Variants in H2AC14 observed in about 807,000 individuals in gnomAD.
H2AC14 encodes the protein H2A clustered histone 14.
In H2AC14, 6 loss-of-function variants were observed where a neutral mutation model predicts 5.7. The observed-to-expected ratio is 1.05, with a 90% CI of 0.57 to 2.07. The LOEUF is 2.07. Among genes scored for constraint, H2AC14 ranks in the 30% most tolerant of loss-of-function variants. The probability of loss-of-function intolerance (pLI) is 0.00; values close to 1 mark genes in which losing one functional copy is unlikely to be tolerated. For synonymous variants in H2AC14, 121 were observed against 79.3 expected (o/e 1.53, Z -2.80); for missense variants, 136 against 174.6 (o/e 0.78, Z 1.25).
Position 27,814,609 on chromosome 6 carries a change from G to T in H2AC14, c.132C>A (p.Val44=), listed in dbSNP as rs779668241. Residue 44 remains valine, a synonymous_variant, in exon 1 of 1, where the codon GTC becomes GTA. Coordinates refer to ENST00000333151, the MANE Select transcript of H2AC14 (RefSeq NM_021066.3). ...LLRKGNYAER[V]GAGAPVYLAA... ...CCAGGTACACCGGCGCTCCAGCACC[G>T]ACCCGCTCCGCATAGTTGCCTTTGC... The T allele has an allele frequency of 1.9e-6, 3 of 1,586,234 alleles. No homozygotes were observed. The highest frequency in any genetic ancestry group is 2.3e-5 in the South Asian group (2 of 88,138).
chr6:27,814,551 G>C lies in H2AC14; in HGVS notation c.190C>G (p.Leu64Val). 6.2e-7 allele frequency: 1 copy of C among 1,608,166 alleles called. No homozygotes were observed. Among genetic ancestry groups the C allele is most frequent in the Non-Finnish European group, 8.5e-7 (1 of 1,175,724 alleles). Residue 64 changes from leucine (L) to valine (V), a missense_variant, in exon 1 of 1, where the codon CTG (leucine) becomes GTG (valine). Around this residue, in one of 2 missense-constraint regions of H2AC14, gnomAD observed 100 missense variants for 152.3 expected, o/e 0.66. Transcript: ENST00000333151. ...CGGGCCGCGTTGCCAGCCAGCTCCA[G>C]GATCTCGGCGGTCAGGTACTCCAGC... ...AVLEYLTAEILELAGNAARDN... is the reference protein window; with the variant it reads ...AVLEYLTAEIVELAGNAARDN...
In H2AC14 at chr6:27,814,527, G is replaced by T; in HGVS notation, c.214C>A (p.Arg72Ser). The change falls in exon 1 of 1, where the codon CGC (arginine) becomes AGC (serine). Residue 72 changes from arginine (R) to serine (S), a missense_variant. Physicochemically the swap from Arg to Ser is moderately radical, Grantham distance 110 (BLOSUM62 -1). Coordinates refer to ENST00000333151, the MANE Select transcript of H2AC14 (RefSeq NM_021066.3). Reference protein sequence around the residue: ...EILELAGNAARDNKKTRIIPR... With the variant: ...EILELAGNAASDNKKTRIIPR... ...ATGATGCGAGTCTTCTTGTTGTCGC[G>T]GGCCGCGTTGCCAGCCAGCTCCAGG... The T allele has an allele frequency of 6.2e-7, 1 of 1,609,416 alleles. No individual in the cohort carries two copies. The highest frequency in any genetic ancestry group is 8.5e-7 in the Non-Finnish European group (1 of 1,176,598).
Position 27,814,409 on chromosome 6 carries a change from T to C in H2AC14, c.332A>G (p.Asn111Ser), listed in dbSNP as rs1484202795. 1.9e-6 allele frequency: 3 copies of C among 1,614,200 alleles called. No individual in the cohort carries two copies. Among genetic ancestry groups the C allele is most frequent in the Non-Finnish European group, 8.5e-7 (1 of 1,180,028 alleles). The stretch of plus-strand genomic sequence containing the variant: ...CTTTGGCAGCAGCACGGCCTGGATG[T>C]TGGGCAGGACGCCACCCTGTGCGAT... ...VTIAQGGVLP[N>S]IQAVLLPKKT... Residue 111 changes from asparagine (N) to serine (S), a missense_variant, in exon 1 of 1, where the codon AAC (asparagine) becomes AGC (serine). Asn to Ser is a conservative substitution (Grantham distance 46). Coordinates refer to ENST00000333151, the MANE Select transcript of H2AC14 (RefSeq NM_021066.3).
chr6:27,814,573 C>T lies in H2AC14; in HGVS notation c.168G>A (p.Leu56=), dbSNP rs1760616927. 6.2e-7 allele frequency: 1 copy of T among 1,602,014 alleles called. No individual in the cohort carries two copies. Among genetic ancestry groups the T allele is most frequent in the East Asian group, 2.2e-5 (1 of 44,654 alleles). Residue 56 remains leucine (L), a synonymous_variant, in exon 1 of 1, where the codon CTG becomes CTA. Coordinates refer to ENST00000333151, the MANE Select transcript of H2AC14 (RefSeq NM_021066.3). The part of the protein sequence containing the change: ...AGAPVYLAAV[L]EYLTAEILEL... ...CCAGGATCTCGGCGGTCAGGTACTC[C>T]AGCACCGCCGCCAGGTACACCGGCG...
Position 27,814,699 on chromosome 6 carries a change from C to G in H2AC14, c.42G>C (p.Lys14Asn). 1 of 1,561,632 alleles carries G rather than the reference C, an allele frequency of 6.4e-7. No individual in the cohort carries two copies. Among genetic ancestry groups the G allele is most frequent in the Non-Finnish European group, 8.7e-7 (1 of 1,155,958 alleles). The change falls in exon 1 of 1, where the codon AAG becomes AAC. Residue 14 changes from lysine (K) to asparagine (N), a missense_variant. By Grantham distance (94) the Lys-to-Asn change is moderately conservative. Transcript: ENST00000333151. ...CGGCCCGAGAAGAGCGGGTCTTGGC[C>G]TTGGCGCGAGCTTTGCCTCCCTGCT... is the stretch of plus-strand genomic sequence containing the variant. ...RGKQGGKARAKAKTRSSRAGL... is the reference protein window; with the variant it reads ...RGKQGGKARANAKTRSSRAGL...
Position 27,814,310 on chromosome 6 carries a change from C to A in H2AC14, c.*44G>T. The A allele has an allele frequency of 6.3e-7, 1 of 1,596,556 alleles. No individual in the cohort carries two copies. Among genetic ancestry groups the A allele is most frequent in the South Asian group, 1.1e-5 (1 of 88,976 alleles). On this transcript the variant is annotated 3_prime_UTR_variant, in exon 1 of 1. Coordinates refer to ENST00000333151, the MANE Select transcript of H2AC14 (RefSeq NM_021066.3). ...CATCTTTTTATGATTGTTGAAGTGGCTCTGAAAAGAGCCTTTGTTTTTATG... is the reference window on the plus strand; with the variant it reads ...CATCTTTTTATGATTGTTGAAGTGGATCTGAAAAGAGCCTTTGTTTTTATG...
Position 27,814,776 on chromosome 6 carries a change from C to A in H2AC14, c.-36G>T. 1 of 1,521,842 alleles carries A rather than the reference C, an allele frequency of 6.6e-7. No individual in the cohort carries two copies. The highest frequency in any genetic ancestry group is 8.8e-7 in the Non-Finnish European group (1 of 1,137,502). 94.3% of individuals were successfully genotyped at this position (1,521,842 alleles called of 1,614,324 possible). On this transcript the variant is annotated 5_prime_UTR_variant, in exon 1 of 1. Coordinates refer to ENST00000333151, the MANE Select transcript of H2AC14 (RefSeq NM_021066.3). ...CTATTACCTTTACGGTCAAGAAAGA[C>A]TGAAATGAAATTGGAAAAACGTACA...
Position 27,814,331 on chromosome 6 carries a change from T to A in H2AC14, c.*23A>T, listed in dbSNP as rs1760609787. On this transcript the variant is annotated 3_prime_UTR_variant, in exon 1 of 1. Transcript: ENST00000333151. ...GTGGCTCTGAAAAGAGCCTTTGTTT[T>A]TATGCGCTTTTCAACTCGGTCTTTA... is the stretch of plus-strand genomic sequence containing the variant. The A allele has an allele frequency of 2.5e-6, 4 of 1,606,802 alleles. No homozygotes were observed. Among genetic ancestry groups the A allele is most frequent in the Non-Finnish European group, 3.4e-6 (4 of 1,177,026 alleles).
rs760144793 is a variant in H2AC14 at position 27,814,303 on chromosome 6, G to T, written c.*51C>A. ...CTCGTGTCATCTTTTTATGATTGTT[G>T]AAGTGGCTCTGAAAAGAGCCTTTGT... On this transcript the variant is annotated 3_prime_UTR_variant, in exon 1 of 1. Coordinates refer to ENST00000333151, the MANE Select transcript of H2AC14 (RefSeq NM_021066.3). 3.1e-6 allele frequency: 5 copies of T among 1,587,988 alleles called. No individual in the cohort carries two copies. In the African/African-American group the frequency reaches 4.1e-5, roughly 13 times the overall value.
In H2AC14 at chr6:27,814,742, G is replaced by A. The variant is rs138112845; in HGVS notation, c.-2C>T. The A allele has an allele frequency of 2.6e-5, 40 of 1,553,102 alleles. No individual in the cohort carries two copies. Among genetic ancestry groups the A allele is most frequent in the Non-Finnish European group, 2.8e-5 (32 of 1,152,412 alleles). ...TCCCTGCTTACCACGCCCAGACATG[G>A]CAAAAGGTCTATTACCTTTACGGTC... is the stretch of plus-strand genomic sequence containing the variant. On this transcript the variant is annotated 5_prime_UTR_variant, in exon 1 of 1. Coordinates refer to ENST00000333151, the MANE Select transcript of H2AC14 (RefSeq NM_021066.3).
In H2AC14 at chr6:27,814,657, T is replaced by C. The variant is rs764536652; in HGVS notation, c.84A>G (p.Val28=). The part of the protein sequence containing the change: ...RSSRAGLQFP[V]GRVHRLLRKG... ...TGCGGAGCAGGCGATGCACTCGGCC[T>C]ACGGGAAACTGAAGCCCGGCCCGAG... Residue 28 remains valine, a synonymous_variant, in exon 1 of 1, where the codon GTA becomes GTG. Transcript: ENST00000333151. The C allele has an allele frequency of 6.5e-7, 1 of 1,541,304 alleles. No homozygotes were observed. The highest frequency in any genetic ancestry group is 1.4e-5 in the African/African-American group (1 of 72,212).
In H2AC14 at chr6:27,814,698, C is replaced by A. The variant is rs1275078475; in HGVS notation, c.43G>T (p.Ala15Ser). Residue 15 changes from alanine to serine, a missense_variant, in exon 1 of 1, where the codon GCC becomes TCC. Physicochemically the swap from Ala to Ser is moderately conservative, Grantham distance 99. Transcript: ENST00000333151. ...GKQGGKARAK[A>S]KTRSSRAGLQ... ...CCGGCCCGAGAAGAGCGGGTCTTGG[C>A]CTTGGCGCGAGCTTTGCCTCCCTGC... is the stretch of plus-strand genomic sequence containing the variant. 5 of 1,560,340 alleles carry A rather than the reference C, an allele frequency of 3.2e-6. No individual in the cohort carries two copies. In the African/African-American group the frequency reaches 4.1e-5, roughly 13 times the overall value.
In H2AC14 at chr6:27,814,599, C is replaced by A. The variant is rs1250781403; in HGVS notation, c.142G>T (p.Ala48Ser). ...GNYAERVGAG[A>S]PVYLAAVLEY... ...AGCACCGCCGCCAGGTACACCGGCGCTCCAGCACCGACCCGCTCCGCATAG... is the reference window on the plus strand; with the variant it reads ...AGCACCGCCGCCAGGTACACCGGCGATCCAGCACCGACCCGCTCCGCATAG... Residue 48 changes from alanine (A) to serine (S), a missense_variant, in exon 1 of 1, where the codon GCG becomes TCG. Transcript: ENST00000333151. 5 of 1,594,608 alleles carry A rather than the reference C, an allele frequency of 3.1e-6. No homozygotes were observed. The highest frequency in any genetic ancestry group is 2.2e-5 in the East Asian group (1 of 44,598).
In H2AC14 at chr6:27,814,764, G is replaced by A. The variant is rs372022693; in HGVS notation, c.-24C>T. The A allele has an allele frequency of 1.8e-5, 28 of 1,525,480 alleles. No homozygotes were observed. Among genetic ancestry groups the A allele is most frequent in the Non-Finnish European group, 2.1e-5 (24 of 1,139,292 alleles). The allele number at this position is 1,525,480 out of a possible 1,614,324, so 94.5% of individuals were successfully genotyped here. On this transcript the variant is annotated 5_prime_UTR_variant, in exon 1 of 1. Coordinates refer to ENST00000333151, the MANE Select transcript of H2AC14 (RefSeq NM_021066.3). ...ATGGCAAAAGGTCTATTACCTTTAC[G>A]GTCAAGAAAGACTGAAATGAAATTG...
rs390764 is a variant in H2AC14, at chr6:27,814,757, C to T, written c.-17G>A. 137,430 of 1,447,368 alleles carry T rather than the reference C, an allele frequency of 0.095. 11,538 individuals carry two copies. Among genetic ancestry groups the T allele is most frequent in the African/African-American group, 0.17 (12,158 of 69,668 alleles). The allele number at this position is 1,447,368 out of a possible 1,614,324, so 89.7% of individuals were successfully genotyped here. On this transcript the variant is annotated 5_prime_UTR_variant, in exon 1 of 1. Transcript: ENST00000333151. ...CCCAGACATGGCAAAAGGTCTATTA[C>T]CTTTACGGTCAAGAAAGACTGAAAT... is the stretch of plus-strand genomic sequence containing the variant.
In H2AC14 at chr6:27,814,307, T is replaced by A; in HGVS notation, c.*47A>T. On this transcript the variant is annotated 3_prime_UTR_variant, in exon 1 of 1. Coordinates refer to ENST00000333151, the MANE Select transcript of H2AC14 (RefSeq NM_021066.3). ...TGTCATCTTTTTATGATTGTTGAAG[T>A]GGCTCTGAAAAGAGCCTTTGTTTTT... is the stretch of plus-strand genomic sequence containing the variant. The A allele has an allele frequency of 2.3e-5, 37 of 1,591,504 alleles. No individual in the cohort carries two copies. The highest frequency in any genetic ancestry group is 3.2e-5 in the Non-Finnish European group (37 of 1,168,338).
In H2AC14 at chr6:27,814,498, C is replaced by A. The variant is rs372650213; in HGVS notation, c.243G>T (p.Pro81=). The A allele has an allele frequency of 3.5e-5, 57 of 1,612,580 alleles. No individual in the cohort carries two copies. The African/African-American group carries it at 7.4e-4, about 21-fold the overall frequency. ...TGCGGATGGCCAGCTGGAGGTGACG[C>A]GGGATGATGCGAGTCTTCTTGTTGT... The part of the protein sequence containing the change: ...ARDNKKTRII[P]RHLQLAIRND... The change falls in exon 1 of 1, where the codon CCG becomes CCT. Residue 81 remains proline, a synonymous_variant. Transcript: ENST00000333151.
rs1760618170 is a variant in H2AC14, at chr6:27,814,605, C to T, written c.136G>A (p.Ala46Thr). Residue 46 changes from alanine to threonine, a missense_variant, in exon 1 of 1, where the codon GCT becomes ACT. This residue lies in a region of H2AC14 where 100 missense variants were observed against 152.3 expected (regional missense o/e 0.66). Coordinates refer to ENST00000333151, the MANE Select transcript of H2AC14 (RefSeq NM_021066.3). ...RKGNYAERVG[A>T]GAPVYLAAVL... ...GCCGCCAGGTACACCGGCGCTCCAG[C>T]ACCGACCCGCTCCGCATAGTTGCCT... 5 of 1,590,550 alleles carry T rather than the reference C, an allele frequency of 3.1e-6. No individual in the cohort carries two copies. The highest frequency in any genetic ancestry group is 3.4e-6 in the Non-Finnish European group (4 of 1,166,534).
rs1438826607 is a variant in H2AC14 at position 27,814,767 on chromosome 6, C to G, written c.-27G>C. 1 of 1,524,206 alleles carries G rather than the reference C, an allele frequency of 6.6e-7. No individual in the cohort carries two copies. The highest frequency in any genetic ancestry group is 8.8e-7 in the Non-Finnish European group (1 of 1,138,692). The allele number at this position is 1,524,206 out of a possible 1,614,324, so 94.4% of individuals were successfully genotyped here. A position where few individuals can be genotyped will look rare whatever the true frequency, so the allele number is the denominator to read the frequency against. On this transcript the variant is annotated 5_prime_UTR_variant, in exon 1 of 1. Coordinates refer to ENST00000333151, the MANE Select transcript of H2AC14 (RefSeq NM_021066.3). The stretch of plus-strand genomic sequence containing the variant: ...GCAAAAGGTCTATTACCTTTACGGT[C>G]AAGAAAGACTGAAATGAAATTGGAA...
Sources: gnomAD v4.1 joint callset for allele counts on GRCh38, gnomAD v4.1.1 for gene constraint, gnomAD v4.1.1 regional missense constraint, MANE v1.5 for transcripts, NCBI Gene and HGNC (gene_info 2026-07-23, HGNC 2026-07-21) for gene names.